The following ADAP1 variants were observed in gnomAD, a reference collection of about 807,000 sequenced individuals.
ADAP1 encodes the protein arf-GAP with dual PH domain-containing protein 1.
A neutral mutation model predicts 54.9 loss-of-function variants in ADAP1; 31 were observed. The ratio of observed to expected loss-of-function variants is 0.56; its 90% confidence interval spans 0.42 to 0.76. The LOEUF is 0.76. Ranked by LOEUF, ADAP1 falls within the 30% of genes least tolerant of loss-of-function variation. ADAP1 has a pLI of 0.00. For missense variants in ADAP1, 535 were observed against 512.4 expected (o/e 1.04, Z -0.42); for synonymous variants, 313 against 202.6 (o/e 1.55, Z -4.63).
chr7:917,480 T>C lies in ADAP1; in HGVS notation c.388+2488A>G, dbSNP rs531911078. On this transcript the variant is annotated intron_variant, in intron 4 of 10. Transcript: ENST00000265846. ...TCAGGGCCGCCTCTCTTTCACATAT[T>C]TTGAGACAGACTTTTGCTCTGCCGC... Among the ~76,000 whole-genome samples the C allele has an allele frequency of 2.6e-5, 4 of 152,274 alleles. No homozygotes were observed. The South Asian group carries it at 8.3e-4, about 32-fold the overall frequency.
At chr7:911,529 C>T (rs1845722044) in intron 4 of ADAP1, among the ~76,000 whole-genome samples, 1 of 147,116 alleles carries the variant, frequency 6.8e-6, no homozygotes, top group Non-Finnish European at 1.5e-5. Flanking sequence ...ACAAACATGC[C>T]AGGAAAGGGG....
Position 920,786 on chromosome 7 carries a change from G to A in ADAP1, c.306-736C>T, listed in dbSNP as rs972074463. ...CCTCCCCATCCACCGTGACTCACTC[G>A]AGTGAAGCCAATACCATTGCAGAAA... On this transcript the variant is annotated intron_variant, in intron 3 of 10. Transcript: ENST00000265846. This position sits in a 1 kb window ranked among gnomAD's most constrained non-coding sequence, Gnocchi z 4.5. The A allele has an allele frequency of 1.2e-5, 19 of 1,549,412 alleles. No individual in the cohort carries two copies. The highest frequency in any genetic ancestry group is 1.4e-5 in the Non-Finnish European group (16 of 1,146,508).
chr7:945,850 C>A lies in ADAP1; in HGVS notation c.82+8546G>T. Reference sequence around the variant, plus strand: ...TGGGCAGGTGAGCCACATTCTTGGGCGGAGCCAGGTGGGGCAGGCGTGTCC... The same window carrying A: ...TGGGCAGGTGAGCCACATTCTTGGGAGGAGCCAGGTGGGGCAGGCGTGTCC... On this transcript the variant is annotated intron_variant, in intron 1 of 10. Coordinates refer to ENST00000265846, the MANE Select transcript of ADAP1 (RefSeq NM_006869.4). The surrounding 1 kb of genome is among the most constrained non-coding windows in gnomAD (Gnocchi z 4.2). The A allele has an allele frequency of 1.0e-6, 1 of 985,410 alleles. No homozygotes were observed. The highest frequency in any genetic ancestry group is 4.7e-5 in the South Asian group (1 of 21,294). The allele number at this position is 985,410 out of a possible 1,614,324, so 61.0% of individuals were successfully genotyped here. A position where few individuals can be genotyped will look rare whatever the true frequency, so the allele number is the denominator to read the frequency against.
At chr7:914,515 G>A (rs1200590894) in intron 4 of ADAP1, among the ~76,000 whole-genome samples, 1 of 152,178 alleles carries the variant, frequency 6.6e-6, no homozygotes, top group African/African-American at 2.4e-5. Flanking sequence ...CAGACAGGAG[G>A]ACACGTCCTC....
chr7:954,355 C>T, intron 1 of ADAP1, 41 bp downstream of exon 1: 1 of 1,034,430 alleles, frequency 9.7e-7, no homozygotes. Flanking sequence ...CGCGCCCACC[C>T]CGGACCCACC....
chr7:926,616 G>A lies in ADAP1; in HGVS notation c.242C>T (p.Ala81Val), dbSNP rs376277744. The change falls in exon 3 of 11, where the codon GCG becomes GTG. Residue 81 changes from alanine (A) to valine (V), a missense_variant. Coordinates refer to ENST00000265846, the MANE Select transcript of ADAP1 (RefSeq NM_006869.4). This position sits in a 1 kb window ranked among gnomAD's most constrained non-coding sequence, Gnocchi z 4.6. ...EFMASHGNDA[A>V]RARFESKVPS... Reference sequence around the variant, plus strand: ...TACTTTGGACTCAAACCTGGCTCTCGCGGCGTCGTTCCCGTGGGAGGCCAT... The same window carrying A: ...TACTTTGGACTCAAACCTGGCTCTCACGGCGTCGTTCCCGTGGGAGGCCAT... 56 of 1,544,972 alleles carry A rather than the reference G, an allele frequency of 3.6e-5. No homozygotes were observed. The highest frequency in any genetic ancestry group is 5.5e-5 in the African/African-American group (4 of 72,296).
chr7:903,587 G>A (rs1469856072), intron 6 of ADAP1, among the ~76,000 whole-genome samples: 1 of 152,142 alleles, frequency 6.6e-6, no homozygotes, highest in South Asian at 2.1e-4. Flanking sequence ...CTGGCCCAAA[G>A]ACAAAAGGAT....
At chr7:950,221 C>T (rs1406534433) in intron 1 of ADAP1, among the ~76,000 whole-genome samples, 1 of 152,178 alleles carries the variant, frequency 6.6e-6, no homozygotes, top group Non-Finnish European at 1.5e-5. Flanking sequence ...CATGGTGGCT[C>T]ACACCTGTAA....
At chr7:949,152 G>A (rs991175258) in intron 1 of ADAP1, among the ~76,000 whole-genome samples, 2 of 152,242 alleles carry the variant, frequency 1.3e-5, no homozygotes, top group African/African-American at 4.8e-5. Context: ...ACAGGGCAAG[G>A]CACTCAGTAC....
At chr7:903,170 G>A (rs1346891856) in intron 6 of ADAP1, among the ~76,000 whole-genome samples, 2 of 152,196 alleles carry the variant, frequency 1.3e-5, no homozygotes, top group African/African-American at 4.8e-5. Flanking sequence ...GTCAACTGCG[G>A]CAAGGAACAC....
At chr7:947,776 G>A (rs1384246869) in intron 1 of ADAP1, among the ~76,000 whole-genome samples, 2 of 151,816 alleles carry the variant, frequency 1.3e-5, no homozygotes, top group Middle Eastern at 3.4e-3. Context: ...CCTGTGACGC[G>A]TCGTGGGCTG....
At chr7:921,790 G>C (rs1039165991) in intron 3 of ADAP1, among the ~76,000 whole-genome samples, 1 of 152,332 alleles carries the variant, frequency 6.6e-6, no homozygotes, top group African/African-American at 2.4e-5. Context: ...TCAGAGTCAC[G>C]GGAGGACCGA....
chr7:935,335 CG>C (rs750532967), intron 2 of ADAP1, 39 bp downstream of exon 2: 3 of 1,543,926 alleles, frequency 1.9e-6, no homozygotes, highest in Non-Finnish European at 2.6e-6. Flanking sequence ...TGAGGCCACC[CG>C]GGGACTGCGC....
chr7:899,427 C>T lies in ADAP1; in HGVS notation c.859G>A (p.Asp287Asn). The T allele has an allele frequency of 1.2e-6, 2 of 1,613,102 alleles. No individual in the cohort carries two copies. The highest frequency in any genetic ancestry group is 1.7e-6 in the Non-Finnish European group (2 of 1,179,886). Residue 287 changes from aspartate to asparagine, a missense_variant, in exon 9 of 11, where the codon GAC (aspartate) becomes AAC (asparagine). Asp to Asn is a conservative substitution (Grantham distance 23). Transcript: ENST00000265846. The stretch of plus-strand genomic sequence containing the variant: ...CCACAGCTCCTCCTTACCAGGGGGT[C>T]TTTGAAGTACATGAGCCTGCGGTCA... ...MDDRRLMYFK[D>N]PLDAFARGEV...
At chr7:929,848 A>G (rs914426186) in intron 2 of ADAP1, among the ~76,000 whole-genome samples, 3 of 152,114 alleles carry the variant, frequency 2.0e-5, no homozygotes, top group African/African-American at 7.2e-5. Context: ...TGAAGCCTGT[A>G]ATCCCAGCGC....
intron 8 of ADAP1, 22 bp downstream of exon 8, chr7:900,080 G>A (rs974919972): frequency 6.2e-7 from 1 of 1,612,760 alleles, no homozygotes; most frequent in Non-Finnish European, 8.5e-7. Flanking sequence ...GCCACCCCAG[G>A]CCGCACGTGC....
intron 1 of ADAP1, among the ~76,000 whole-genome samples, chr7:949,361 G>A (rs1015122302): frequency 6.6e-6 from 1 of 152,258 alleles, no homozygotes; most frequent in Admixed American, 6.5e-5. Flanking sequence ...TGCAAAATGG[G>A]GCCATGCAGC....
At chr7:907,120 T>C (rs1271537150) in intron 4 of ADAP1, among the ~76,000 whole-genome samples, 1 of 151,986 alleles carries the variant, frequency 6.6e-6, no homozygotes, top group East Asian at 1.9e-4. Flanking sequence ...TCAGGAAAGC[T>C]CATCTGAGGG....
At chr7:942,031 G>A (rs184983546) in intron 1 of ADAP1, among the ~76,000 whole-genome samples, 1 of 152,316 alleles carries the variant, frequency 6.6e-6, no homozygotes, top group East Asian at 1.9e-4. Flanking sequence ...AAGATATAAA[G>A]CCAGTTCTGG....
Sources: allele counts gnomAD v4.1 joint callset (sites outside exome capture counted in the v4.1 genomes callset), GRCh38; gene constraint gnomAD v4.1.1; non-coding constraint Gnocchi (gnomAD v3.1); transcripts MANE v1.5; gene names NCBI Gene and HGNC (gene_info 2026-07-23, HGNC 2026-07-21).